NOX4: variants seen among roughly 807,000 people sequenced by gnomAD.
NOX4 encodes kidney oxidase-1.
NOX4 carries 69 observed loss-of-function variants against 87.6 expected under a neutral mutation model. The observed-to-expected ratio is 0.79, with a 90% CI of 0.65 to 0.96. The LOEUF (loss-of-function observed/expected upper bound fraction) is 0.96, where lower values mean the gene tolerates loss of function less well. NOX4 is among the 40% of genes least tolerant of loss of function. NOX4 has a pLI of 0.00. For missense variants in NOX4, 680 were observed against 681.5 expected (o/e 1.00, Z 0.02); for synonymous variants, 275 against 238.2 (o/e 1.15, Z -1.42).
At chr11:89,349,614 C>A (rs1300467354) in intron 13 of NOX4, among the ~76,000 whole-genome samples, 1 of 152,096 alleles carries the variant, frequency 6.6e-6, no homozygotes, top group Non-Finnish European at 1.5e-5. Context: ...TGGCAGCAAA[C>A]CAAGTCAAAA....
At chr11:89,437,572 T>A (rs951805045) in intron 6 of NOX4, among the ~76,000 whole-genome samples, 1 of 151,962 alleles carries the variant, frequency 6.6e-6, no homozygotes, top group Non-Finnish European at 1.5e-5. Context: ...TTTCTTGAAA[T>A]TATGTGAGAA....
intron 11 of NOX4, among the ~76,000 whole-genome samples, chr11:89,392,153 A>G (rs1018735727): frequency 9.9e-5 from 15 of 152,164 alleles, no homozygotes; most frequent in Non-Finnish European, 1.9e-4. Flanking sequence ...AGAAGAAATA[A>G]GACAATTTTT....
intron 2 of NOX4, among the ~76,000 whole-genome samples, chr11:89,467,084 C>G (rs1043022413): frequency 3.3e-5 from 5 of 151,978 alleles, no homozygotes; most frequent in Admixed American, 3.3e-4. Flanking sequence ...CACGGTGGCT[C>G]ACACCTGTAA....
intron 12 of NOX4, among the ~76,000 whole-genome samples, chr11:89,356,385 G>T (rs146877734): frequency 0.014 from 2,089 of 148,280 alleles, 42 homozygotes; most frequent in African/African-American, 0.049. Context: ...AATTCATAAT[G>T]AAGAAAAGAG....
At chr11:89,479,032 G>A (rs1408931609) in intron 2 of NOX4, among the ~76,000 whole-genome samples, 3 of 151,420 alleles carry the variant, frequency 2.0e-5, no homozygotes, top group Admixed American at 6.6e-5. Flanking sequence ...AATGAAATGT[G>A]GCCAAGGAAA....
At chr11:89,587,317 A>G in the NOX4 span, among the ~76,000 whole-genome samples, 3 of 152,218 alleles carry the variant, frequency 2.0e-5, no homozygotes, top group Non-Finnish European at 4.4e-5. Flanking sequence ...ACATTAATTA[A>G]GGAGATGGAA....
chr11:89,430,993 C>G (rs1201333480), intron 7 of NOX4, among the ~76,000 whole-genome samples: 9 of 152,190 alleles, frequency 5.9e-5, no homozygotes, highest in Admixed American at 1.3e-4. Flanking sequence ...CATGGTACTG[C>G]TACCAAAACA....
At chr11:89,491,926 C>G (rs1946871184), upstream of NOX4, among the ~76,000 whole-genome samples, 1 of 152,214 alleles carries the variant, frequency 6.6e-6, no homozygotes, top group Non-Finnish European at 1.5e-5. Flanking sequence ...CTAAAGCCCC[C>G]CTGACAGCCT....
intron 11 of NOX4, among the ~76,000 whole-genome samples, chr11:89,394,016 G>T (rs1233757771): frequency 6.6e-6 from 1 of 152,064 alleles, no homozygotes; most frequent in Non-Finnish European, 1.5e-5. Flanking sequence ...TGGCCACAGG[G>T]CTATCACATC....
chr11:89,472,986 A>G (rs1946011593), intron 2 of NOX4, among the ~76,000 whole-genome samples: 1 of 152,174 alleles, frequency 6.6e-6, no homozygotes, highest in Non-Finnish European at 1.5e-5. Context: ...CCTTATAGAA[A>G]TGTATCAAGT....
the NOX4 span, among the ~76,000 whole-genome samples, chr11:89,570,312 A>G: frequency 0.032 from 4,908 of 152,230 alleles, 157 homozygotes; most frequent in African/African-American, 0.08. Flanking sequence ...TTGAGTATAC[A>G]TGGTTATAAA....
At chr11:89,490,601 T>C (rs1351902416) in intron 1 of NOX4, 48 bp from the exon 2 acceptor site, 2 of 1,323,456 alleles carry the variant, frequency 1.5e-6, no homozygotes, top group Non-Finnish European at 2.2e-6. Flanking sequence ...TGAAAATAAT[T>C]ATTACCTGAT....
At chr11:89,410,009 G>A (rs1262281165) in intron 8 of NOX4, among the ~76,000 whole-genome samples, 4 of 151,920 alleles carry the variant, frequency 2.6e-5, no homozygotes, top group East Asian at 1.9e-4. Context: ...ATTACTTGAG[G>A]CCAGACTTTT....
At chr11:89,342,835 G>T (rs1020046239) in intron 13 of NOX4, among the ~76,000 whole-genome samples, 10 of 152,292 alleles carry the variant, frequency 6.6e-5, no homozygotes, top group Non-Finnish European at 1.3e-4. Context: ...GAGACAGAGA[G>T]AGAGAGAGAG....
chr11:89,342,332 T>G lies in NOX4; in HGVS notation c.1218-139A>C, dbSNP rs1946042306. On this transcript the variant is annotated intron_variant, in intron 13 of 17. Transcript: ENST00000263317. ...CTTATTTCATGGTTTCTCATAGTGA[T>G]TAGCCTAAAGGAGTAGCAAATGTTG... 9.0e-6 allele frequency: 6 copies of G among 669,414 alleles called. No homozygotes were observed. The East Asian group carries it at 1.5e-4, about 16-fold the overall frequency. The allele number at this position is 669,414 out of a possible 1,614,324, so 41.5% of individuals were successfully genotyped here.
the NOX4 span, among the ~76,000 whole-genome samples, chr11:89,584,176 C>A: frequency 6.6e-6 from 1 of 152,126 alleles, no homozygotes; most frequent in African/African-American, 2.4e-5. Flanking sequence ...ATATTCATTT[C>A]TCTTATTACT....
At chr11:89,450,509 CTG>C (rs1249934195) in intron 3 of NOX4, among the ~76,000 whole-genome samples, 2 of 152,070 alleles carry the variant, frequency 1.3e-5, no homozygotes, top group Admixed American at 6.6e-5. Flanking sequence ...AGCAGAATGA[CTG>C]TTTTTGTTTT....
At chr11:89,588,038 G>A in the NOX4 span, among the ~76,000 whole-genome samples, 1 of 152,036 alleles carries the variant, frequency 6.6e-6, no homozygotes, top group South Asian at 2.1e-4. Context: ...CTATTCCGGT[G>A]TTAGGATCCC....
At chr11:89,553,847 T>G in the NOX4 span, among the ~76,000 whole-genome samples, 1 of 151,030 alleles carries the variant, frequency 6.6e-6, no homozygotes, top group East Asian at 2.0e-4. Flanking sequence ...CTAACTGGAA[T>G]TGGCTTTACT....
Sources: gnomAD v4.1 joint callset for allele counts (sites outside exome capture counted in the v4.1 genomes callset) on GRCh38, gnomAD v4.1.1 for gene constraint, MANE v1.5 for transcripts, NCBI Gene and HGNC (gene_info 2026-07-23, HGNC 2026-07-21) for gene names.